Variants in NEB observed in about 807,000 individuals in gnomAD.
NEB encodes nebulin, also known as nemaline myopathy type 2.
A neutral mutation model predicts 952.2 loss-of-function variants in NEB; 512 were observed. The ratio of observed to expected loss-of-function variants is 0.54; its 90% confidence interval spans 0.50 to 0.58. The LOEUF is 0.58. Ranked by LOEUF, NEB falls within the 20% of genes least tolerant of loss-of-function variation. The pLI, the probability that NEB is intolerant of heterozygous loss-of-function variation, is 0.00. For missense variants in NEB, 8,428 were observed against 9,231.1 expected, an observed-to-expected ratio of 0.91 and a Z score of 3.56; for synonymous variants, 2,900 against 3,149.8, an observed-to-expected ratio of 0.92 and a Z score of 2.66.
At chr2:151,677,259 A>G (rs1180261195) in intron 34 of NEB, among the ~76,000 whole-genome samples, 1 of 152,186 alleles carries the variant, frequency 6.6e-6, no homozygotes, top group Non-Finnish European at 1.5e-5. Context: ...CTGTGTATGT[A>G]TGTGTTTGCA....
chr2:151,650,807 CA>C lies in NEB; in HGVS notation c.6993del (p.Val2332CysfsTer4), dbSNP rs2099021112. ...GFRSLQDDPKLVLSMNVAKMQ... is the reference protein window; with the variant it reads ...GFRSLQDDPKXVLSMNVAKMQ... ...ATTTTGGCTACATTCATGGACAACA[CA>C]AGTTTTGGGTCATCTTGCAGACTCC... On this transcript the variant is annotated frameshift_variant, in exon 53 of 182. Coordinates refer to ENST00000397345, the MANE Select transcript of NEB (RefSeq NM_001164508.2). LOFTEE classifies it high-confidence loss of function. The C allele has an allele frequency of 6.2e-7, 1 of 1,613,944 alleles. No individual in the cohort carries two copies. Among genetic ancestry groups the C allele is most frequent in the Non-Finnish European group, 8.5e-7 (1 of 1,179,840 alleles).
chr2:151,712,436 T>C (rs1346973885), intron 10 of NEB, among the ~76,000 whole-genome samples: 2 of 152,152 alleles, frequency 1.3e-5, no homozygotes, highest in Non-Finnish European at 2.9e-5. Flanking sequence ...TAAAACAAGA[T>C]GCAAAACAAG....
At chr2:151,632,677 GAAAAAAAAA>G (rs761404681) in intron 65 of NEB, among the ~76,000 whole-genome samples, 1 of 50,678 alleles carries the variant, frequency 2.0e-5, no homozygotes, top group Non-Finnish European at 4.1e-5. Flanking sequence ...CTCTGTCTCA[GAAAAAAAAA>G]AAAAAAAAAA....
chr2:151,646,083 A>C, intron 55 of NEB, 47 bp downstream of exon 55: 1 of 1,380,328 alleles, frequency 7.2e-7, no homozygotes, highest in Non-Finnish European at 1.0e-6. Flanking sequence ...ATTTAGAAAC[A>C]ATTAAAATGA....
In NEB at chr2:151,640,390, T is replaced by G. The variant is rs770218160; in HGVS notation, c.8650A>C (p.Ile2884Leu). ...WTCLPDQSDVIHARQAYDLQS... is the reference protein window; with the variant it reads ...WTCLPDQSDVLHARQAYDLQS... ...AGGTCATAGGCCTGCCGAGCATGGA[T>G]GACGTCGCTCTGGTCGGGCAGGCAT... is the stretch of plus-strand genomic sequence containing the variant. The change falls in exon 61 of 182, where the codon ATC (isoleucine) becomes CTC (leucine). Residue 2884 changes from isoleucine to leucine, a missense_variant. By Grantham distance (5) the Ile-to-Leu change is conservative. Transcript: ENST00000397345. 1.2e-6 allele frequency: 2 copies of G among 1,613,986 alleles called. No individual in the cohort carries two copies. The highest frequency in any genetic ancestry group is 2.2e-5 in the South Asian group (2 of 91,084).
At chr2:151,614,191 T>C in intron 77 of NEB, 85 bp downstream of exon 77, 1 of 1,487,796 alleles carries the variant, frequency 6.7e-7, no homozygotes, top group Non-Finnish European at 9.2e-7. Flanking sequence ...TCTGTAGGTT[T>C]CACCAGACTG....
chr2:151,556,055 A>G (rs2095631054), intron 124 of NEB, among the ~76,000 whole-genome samples: 1 of 152,156 alleles, frequency 6.6e-6, no homozygotes, highest in African/African-American at 2.4e-5. Flanking sequence ...TTAAAATCTT[A>G]TCTATAGTAC....
intron 157 of NEB, among the ~76,000 whole-genome samples, chr2:151,515,477 A>G (rs1269579389): frequency 6.6e-6 from 1 of 152,104 alleles, no homozygotes; most frequent in South Asian, 2.1e-4. Context: ...CCTGCTGAGT[A>G]GCTGGGACTA....
rs2153991394 is a variant in NEB, at chr2:151,614,260, T to C, written c.11601+16A>G. 6.2e-7 allele frequency: 1 copy of C among 1,610,006 alleles called. No homozygotes were observed. The highest frequency in any genetic ancestry group is 1.1e-5 in the South Asian group (1 of 91,008). On this transcript the variant is annotated intron_variant, in intron 77 of 181. Transcript: ENST00000397345. ...GCTTTTCTAAACCATTACTGAAGAA[T>C]ATTAGAGCCACTCACATCACTCTGC...
intron 6 of NEB, among the ~76,000 whole-genome samples, chr2:151,725,166 C>G (rs1046386609): frequency 6.6e-6 from 1 of 152,184 alleles, no homozygotes; most frequent in Non-Finnish European, 1.5e-5. Flanking sequence ...GGATCTCCAG[C>G]CTGCTGCTTC....
chr2:151,713,981 A>G (rs982045242), intron 10 of NEB, among the ~76,000 whole-genome samples: 6 of 152,198 alleles, frequency 3.9e-5, no homozygotes, highest in Non-Finnish European at 7.3e-5. Flanking sequence ...ACCCCAAAAT[A>G]TGGCTCCCTA....
Position 151,563,596 on chromosome 2 carries a change from A to T in NEB, c.18693+10T>A. 1 of 1,606,516 alleles carries T rather than the reference A, an allele frequency of 6.2e-7. No homozygotes were observed. The highest frequency in any genetic ancestry group is 8.5e-7 in the Non-Finnish European group (1 of 1,173,126). On this transcript the variant is annotated intron_variant, in intron 119 of 181. Transcript: ENST00000397345. Reference sequence around the variant, plus strand: ...GCACAAATCCCGTGTTAAAGTGGACATTTACTTACCGCACTCCTCATCTTT... The same window carrying T: ...GCACAAATCCCGTGTTAAAGTGGACTTTTACTTACCGCACTCCTCATCTTT...
chr2:151,712,685 A>T (rs890975489), intron 10 of NEB, among the ~76,000 whole-genome samples: 1 of 151,980 alleles, frequency 6.6e-6, no homozygotes, highest in Admixed American at 6.6e-5. Flanking sequence ...TGAGTAGGAG[A>T]GAATTTGAAA....
intron 69 of NEB, 124 bp from the exon 70 acceptor site, chr2:151,627,329 A>C (rs746062325): frequency 2.5e-5 from 34 of 1,371,848 alleles, no homozygotes; most frequent in Admixed American, 5.2e-5. Context: ...CAATATATGA[A>C]GGCCAAATTG....
intron 46 of NEB, among the ~76,000 whole-genome samples, chr2:151,661,696 C>T (rs536443205): frequency 5.3e-4 from 80 of 152,270 alleles, no homozygotes; most frequent in Non-Finnish European, 2.6e-4. Flanking sequence ...ACCCAGAGAA[C>T]GTCCTGGTTT....
At chr2:151,540,098 G>T (rs1156735194) in intron 138 of NEB, among the ~76,000 whole-genome samples, 2 of 152,160 alleles carry the variant, frequency 1.3e-5, no homozygotes, top group African/African-American at 4.8e-5. Flanking sequence ...TGCTGCTGAA[G>T]AATTATAAGA....
At position 151,491,722 on chromosome 2, in the gene NEB, C is replaced by G. The variant is rs1375669048; in HGVS notation, c.25111G>C (p.Glu8371Gln). 1 of 1,598,698 alleles carries G rather than the reference C, an allele frequency of 6.3e-7. No homozygotes were observed. The highest frequency in any genetic ancestry group is 8.5e-7 in the Non-Finnish European group (1 of 1,172,216). ...PGSVFDYDPA[E>Q]DNIQSRSLHM... ...AAGCTTCGGGACTGGATGTTGTCTT[C>G]TGCTGGATCATAGTCAAAAACCGAA... The change falls in exon 179 of 182, where the codon GAA (glutamate) becomes CAA (glutamine). Residue 8371 changes from glutamate to glutamine, a missense_variant. Transcript: ENST00000397345.
chr2:151,667,985 C>A, intron 39 of NEB, 74 bp from the exon 40 acceptor site: 1 of 1,171,626 alleles, frequency 8.5e-7, no homozygotes, highest in Non-Finnish European at 1.2e-6. Context: ...CAAAATGTTT[C>A]TTATAAAACA....
At chr2:151,497,336 T>G (rs941311450) in intron 171 of NEB, 7 of 982,428 alleles carry the variant, frequency 7.1e-6, no homozygotes, top group Non-Finnish European at 8.5e-6. Flanking sequence ...TATATGAGGA[T>G]TTGAGACAGT....
Sources: allele counts gnomAD v4.1 joint callset (sites outside exome capture counted in the v4.1 genomes callset), GRCh38; gene constraint gnomAD v4.1.1; transcripts MANE v1.5; gene names NCBI Gene and HGNC (gene_info 2026-07-23, HGNC 2026-07-21).